Variants in CEP104 observed in about 807,000 individuals in gnomAD.
CEP104 encodes centrosomal protein 104.
CEP104 carries 84 observed loss-of-function variants against 113.3 expected under a neutral mutation model. That is an observed-to-expected ratio of 0.74 (90% confidence interval 0.62 to 0.89). The LOEUF (loss-of-function observed/expected upper bound fraction) is 0.89, where lower values mean the gene tolerates loss of function less well. CEP104 is among the 40% of genes least tolerant of loss of function. The pLI, the probability that CEP104 is intolerant of heterozygous loss-of-function variation, is 0.00. For missense variants in CEP104, 1,053 were observed against 1,156.6 expected (o/e 0.91, Z 1.30); for synonymous variants, 378 against 421.7 (o/e 0.90, Z 1.27).
chr1:3,838,807 C>T (rs193222586), intron 8 of CEP104, among the ~76,000 whole-genome samples, 157 bp downstream of exon 8: 5 of 152,326 alleles, frequency 3.3e-5, no homozygotes, highest in Admixed American at 1.3e-4. Context: ...GCCTCCCTGA[C>T]GTAGGCACAG....
rs1419326649 is a variant in CEP104, at chr1:3,812,671, C to G, written c.*2731G>C. ...TGGCCAATATGGTGAAACCCCGTCT[C>G]TACTAAAAATACAAAAAAATTAGCC... is the stretch of plus-strand genomic sequence containing the variant. On this transcript the variant is annotated 3_prime_UTR_variant, in exon 22 of 22. Transcript: ENST00000378230. The G allele has an allele frequency of 1.3e-5, 2 of 152,140 alleles. No individual in the cohort carries two copies. The highest frequency in any genetic ancestry group is 2.9e-5 in the Non-Finnish European group (2 of 68,046). The allele number at this position is 152,140 out of a possible 1,614,324, so 9.4% of individuals were successfully genotyped here. A position where few individuals can be genotyped will look rare whatever the true frequency, so the allele number is the denominator to read the frequency against.
chr1:3,833,800 C>G, intron 12 of CEP104, 62 bp downstream of exon 12: 1 of 1,504,068 alleles, frequency 6.6e-7, no homozygotes, highest in Non-Finnish European at 9.2e-7. Flanking sequence ...GTTAAGAAAG[C>G]CAGAGAGCTA....
At position 3,823,707 on chromosome 1, in the gene CEP104, G is replaced by T; in HGVS notation, c.2365-145C>A. The stretch of plus-strand genomic sequence containing the variant: ...AGTAAGCCACAGGCTTCTATCTTCG[G>T]CATTTGCCCACAGACTGTCTGGAGT... On this transcript the variant is annotated intron_variant, in intron 18 of 21. Transcript: ENST00000378230. The surrounding 1 kb of genome is among the most constrained non-coding windows in gnomAD (Gnocchi z 4.1). 2.1e-6 allele frequency: 2 copies of T among 947,668 alleles called. No individual in the cohort carries two copies. The highest frequency in any genetic ancestry group is 3.2e-6 in the Non-Finnish European group (2 of 631,590). The allele number at this position is 947,668 out of a possible 1,614,324, so 58.7% of individuals were successfully genotyped here.
intron 8 of CEP104, 112 bp downstream of exon 8, chr1:3,838,852 G>A (rs1441665069): frequency 1.7e-6 from 2 of 1,167,790 alleles, no homozygotes; most frequent in Non-Finnish European, 2.5e-6. Flanking sequence ...CCTGAGCACT[G>A]CAGAGTGTTT....
chr1:3,838,140 C>T (rs1021027891), intron 8 of CEP104, among the ~76,000 whole-genome samples: 2 of 152,210 alleles, frequency 1.3e-5, no homozygotes, highest in African/African-American at 4.8e-5. Context: ...CCCAGACAGT[C>T]CAGCTCCAGA....
chr1:3,843,210 T>A (rs1048615679), intron 6 of CEP104: 15 of 713,168 alleles, frequency 2.1e-5, no homozygotes, highest in Non-Finnish European at 3.7e-5. Context: ...AGCAGGCAGG[T>A]GGCAAGGGAA....
Position 3,839,730 on chromosome 1 carries a change from A to G in CEP104, c.613T>C (p.Tyr205His). 6.2e-7 allele frequency: 1 copy of G among 1,613,658 alleles called. No individual in the cohort carries two copies. Among genetic ancestry groups the G allele is most frequent in the Non-Finnish European group, 8.5e-7 (1 of 1,179,882 alleles). ...SPLDDLAFDM[Y>H]QDPEVAQIIR... ...ATCTGTGCAACTTCTGGATCTTGGT[A>G]CATATCAAAAGCTAAGTCATCTAGC... The change falls in exon 7 of 22, where the codon TAC (tyrosine) becomes CAC (histidine). Residue 205 changes from tyrosine (Y) to histidine (H), a missense_variant. Transcript: ENST00000378230.
At position 3,823,098 on chromosome 1, in the gene CEP104, A is replaced by G; in HGVS notation, c.2571+76T>C. On this transcript the variant is annotated intron_variant, in intron 20 of 21. Transcript: ENST00000378230. This position sits in a 1 kb window ranked among gnomAD's most constrained non-coding sequence, Gnocchi z 4.1. The stretch of plus-strand genomic sequence containing the variant: ...TCTGTGGCTATGGTCCCGCACTGAC[A>G]CCACCACTGTCACCACCACTGCCAT... 3.6e-6 allele frequency: 5 copies of G among 1,383,878 alleles called. No homozygotes were observed. Among genetic ancestry groups the G allele is most frequent in the Non-Finnish European group, 5.1e-6 (5 of 974,346 alleles). 85.7% of individuals were successfully genotyped at this position (1,383,878 alleles called of 1,614,324 possible).
Position 3,815,056 on chromosome 1 carries a change from C to A in CEP104, c.*346G>T. On this transcript the variant is annotated 3_prime_UTR_variant, in exon 22 of 22. Transcript: ENST00000378230. ...AAGCACTAAGGAAAGCGGGACCGTG[C>A]CTGTGCTGACCGTGGCCTTGCGCGA... 3.7e-6 allele frequency: 1 copy of A among 267,306 alleles called. No individual in the cohort carries two copies. Among genetic ancestry groups the A allele is most frequent in the Non-Finnish European group, 7.2e-6 (1 of 139,616 alleles). 16.6% of individuals were successfully genotyped at this position (267,306 alleles called of 1,614,324 possible). A position where few individuals can be genotyped will look rare whatever the true frequency, so the allele number is the denominator to read the frequency against.
chr1:3,855,023 C>T (rs1003598642), intron 1 of CEP104, among the ~76,000 whole-genome samples: 8 of 151,180 alleles, frequency 5.3e-5, no homozygotes, highest in African/African-American at 1.7e-4. Context: ...AGGTGCGCAC[C>T]ACCACACCCA....
rs1185633137 is a variant in CEP104, at chr1:3,829,134, TA to T, written c.2151+131del. On this transcript the variant is annotated intron_variant, in intron 15 of 21. Coordinates refer to ENST00000378230, the MANE Select transcript of CEP104 (RefSeq NM_014704.4). Reference sequence around the variant, plus strand: ...TCTGTCATCCACCCCAAAACTAACCTAAAAAACCAAAAGGAATCAAGACGCT... The same window carrying T: ...TCTGTCATCCACCCCAAAACTAACCTAAAAACCAAAAGGAATCAAGACGCT... The T allele has an allele frequency of 4.6e-6, 3 of 654,470 alleles. No homozygotes were observed. In the African/African-American group the frequency reaches 5.7e-5, roughly 13 times the overall value. 40.5% of individuals were successfully genotyped at this position (654,470 alleles called of 1,614,324 possible). A position where few individuals can be genotyped will look rare whatever the true frequency, so the allele number is the denominator to read the frequency against.
Position 3,825,826 on chromosome 1 carries a change from C to G in CEP104, c.2296G>C (p.Glu766Gln). Residue 766 changes from glutamate to glutamine, a missense_variant, in exon 18 of 22, where the codon GAG (glutamate) becomes CAG (glutamine). By Grantham distance (29) the Glu-to-Gln change is conservative (BLOSUM62 2). Transcript: ENST00000378230. ...CAGTAGTGGAGATCCAGACCTTCCTCTGTGAAGGATTCACTCCTTTCCCCA... is the reference window on the plus strand; with the variant it reads ...CAGTAGTGGAGATCCAGACCTTCCTGTGTGAAGGATTCACTCCTTTCCCCA... ...FCGERSESFT[E>Q]EGLDLHYWKH... 1.2e-6 allele frequency: 2 copies of G among 1,613,924 alleles called. No individual in the cohort carries two copies. Among genetic ancestry groups the G allele is most frequent in the Non-Finnish European group, 1.7e-6 (2 of 1,179,766 alleles).
Position 3,825,760 on chromosome 1 carries a change from G to A in CEP104, c.2362C>T (p.Gln788Ter). Reference protein sequence around the residue: ...LMLTRCDHCKQVVEISSLTEH... With the variant: ...LMLTRCDHCK ...GGCTGCTGTGCCGCTGGCCTGACCT[G>A]TTTGCAGTGGTCACATCTTGTCAGC... The change falls in exon 18 of 22, where the codon CAG (glutamine) becomes TAG (stop). Residue 788 changes from glutamine to a stop codon, truncating the protein, a stop_gained and splice_region_variant. Transcript: ENST00000378230. LOFTEE classifies it high-confidence loss of function. The A allele has an allele frequency of 1.2e-6, 2 of 1,607,070 alleles. No homozygotes were observed. Among genetic ancestry groups the A allele is most frequent in the Non-Finnish European group, 1.7e-6 (2 of 1,173,624 alleles).
chr1:3,830,045 T>C (rs903400849), intron 13 of CEP104, 48 bp from the exon 14 acceptor site: 1 of 1,358,932 alleles, frequency 7.4e-7, no homozygotes, highest in Non-Finnish European at 1.1e-6. Flanking sequence ...ATAAAACTAA[T>C]TTCTTCCAGC....
At position 3,830,619 on chromosome 1, in the gene CEP104, G is replaced by A. The variant is rs1285691427; in HGVS notation, c.1836+427C>T. Among the ~76,000 whole-genome samples the A allele has an allele frequency of 4.6e-5, 7 of 151,644 alleles. No homozygotes were observed. In the East Asian group the frequency reaches 1.4e-3, roughly 29 times the overall value. ...AAACCCCGTCTCTACTAAAATACAC[G>A]AAAAAATTAGCCGGGCATGGTGGTG... On this transcript the variant is annotated intron_variant, in intron 13 of 21. Coordinates refer to ENST00000378230, the MANE Select transcript of CEP104 (RefSeq NM_014704.4).
intron 17 of CEP104, 91 bp from the exon 18 acceptor site, chr1:3,825,957 C>A: frequency 1.1e-6 from 1 of 886,074 alleles, no homozygotes. Flanking sequence ...TTCTGAATTT[C>A]CCCAGTCCCT....
intron 11 of CEP104, among the ~76,000 whole-genome samples, 166 bp downstream of exon 11, chr1:3,834,759 T>C (rs561274731): frequency 6.6e-6 from 1 of 152,334 alleles, no homozygotes; most frequent in Non-Finnish European, 1.5e-5. Context: ...AGTTGCACAG[T>C]ATAGCTCTTG....
At chr1:3,820,295 G>A (rs949247164) in intron 20 of CEP104, among the ~76,000 whole-genome samples, 1 of 152,200 alleles carries the variant, frequency 6.6e-6, no homozygotes, top group South Asian at 2.1e-4. Flanking sequence ...TGAAATCAGA[G>A]GGGATGATGG....
Position 3,816,218 on chromosome 1 carries a change from T to C in CEP104, c.2662+62A>G, listed in dbSNP as rs6703035. On this transcript the variant is annotated intron_variant, in intron 21 of 21. Transcript: ENST00000378230. The stretch of plus-strand genomic sequence containing the variant: ...CCATGTTGCCCTGGACGGGGATGCT[T>C]TTTTGAATAAGTCAAAATGGAGGGA... 0.6 allele frequency: 857,420 copies of C among 1,435,278 alleles called. 260,688 individuals carry two copies. Among genetic ancestry groups the C allele is most frequent in the African/African-American group, 0.87 (61,197 of 70,240 alleles). 88.9% of individuals were successfully genotyped at this position (1,435,278 alleles called of 1,614,324 possible).
Sources: gnomAD v4.1 joint callset for allele counts (sites outside exome capture counted in the v4.1 genomes callset) on GRCh38, gnomAD v4.1.1 for gene constraint, Gnocchi (gnomAD v3.1) non-coding constraint, MANE v1.5 for transcripts, NCBI Gene and HGNC (gene_info 2026-07-23, HGNC 2026-07-21) for gene names.